Variants in UBASH3B observed in about 807,000 individuals in gnomAD.
UBASH3B encodes the protein ubiquitin-associated and SH3 domain-containing protein B.
A neutral mutation model predicts 83.4 loss-of-function variants in UBASH3B; 37 were observed. That is an observed-to-expected ratio of 0.44 (90% CI 0.34 to 0.58). The LOEUF (loss-of-function observed/expected upper bound fraction) is 0.58, where lower values mean the gene tolerates loss of function less well. UBASH3B is among the 20% of genes least tolerant of loss of function. The pLI, the probability that UBASH3B is intolerant of heterozygous loss-of-function variation, is 0.01. For synonymous variants in UBASH3B, 304 were observed against 318.3 expected (o/e 0.96, Z 0.48); for missense variants, 657 against 827.2 (o/e 0.79, Z 2.52).
intron 1 of UBASH3B, among the ~76,000 whole-genome samples, chr11:122,675,202 T>C (rs915180673): frequency 1.3e-5 from 2 of 152,228 alleles, no homozygotes; most frequent in Admixed American, 1.3e-4. Flanking sequence ...TTTATTTTTG[T>C]TCCTGGATCA....
intron 11 of UBASH3B, 46 bp downstream of exon 11, chr11:122,801,378 T>C: frequency 1.2e-6 from 2 of 1,603,360 alleles, no homozygotes; most frequent in Non-Finnish European, 8.5e-7. Flanking sequence ...GTGGAAGTGC[T>C]TTCTGCACTA....
At position 122,673,105 on chromosome 11, in the gene UBASH3B, CGTGACA is replaced by C. The variant is rs1591762832; in HGVS notation, c.161+16900_161+16905del. ...CCAGCCACTGTCTGGCCTCTGGGCA[CGTGACA>C]GTGAGTTGTGCTCAGCATTTTGGGA... On this transcript the variant is annotated intron_variant, in intron 1 of 13. Transcript: ENST00000284273. Among the ~76,000 whole-genome samples the C allele has an allele frequency of 2.0e-5, 3 of 152,234 alleles. No individual in the cohort carries two copies. The East Asian group carries it at 5.8e-4, about 29-fold the overall frequency.
chr11:122,674,585 G>A (rs1421516610), intron 1 of UBASH3B, among the ~76,000 whole-genome samples: 5 of 152,000 alleles, frequency 3.3e-5, no homozygotes, highest in Non-Finnish European at 7.4e-5. Context: ...GTTTCACCAT[G>A]TTAGCCAGGA....
At chr11:122,667,837 A>G (rs982159484) in intron 1 of UBASH3B, among the ~76,000 whole-genome samples, 2 of 152,154 alleles carry the variant, frequency 1.3e-5, no homozygotes, top group Admixed American at 1.3e-4. Context: ...GTAAAATGAG[A>G]CCAGAAAATG....
chr11:122,772,142 C>T (rs929021959), intron 1 of UBASH3B, among the ~76,000 whole-genome samples: 2 of 152,186 alleles, frequency 1.3e-5, no homozygotes, highest in Admixed American at 6.5e-5. Context: ...TCTGCTGTGG[C>T]GTTCTGACCT....
intron 1 of UBASH3B, among the ~76,000 whole-genome samples, chr11:122,725,936 C>T (rs963284953): frequency 7.2e-5 from 11 of 152,152 alleles, no homozygotes; most frequent in African/African-American, 2.4e-4. Context: ...TCATGATCCA[C>T]CCACCTCAGC....
intron 1 of UBASH3B, among the ~76,000 whole-genome samples, chr11:122,663,129 G>A (rs1320707326): frequency 2.0e-5 from 3 of 151,862 alleles, no homozygotes; most frequent in East Asian, 1.9e-4. Flanking sequence ...GGCACATGCC[G>A]CCATGCCCAG....
At chr11:122,659,498 C>T (rs1467051482) in intron 1 of UBASH3B, among the ~76,000 whole-genome samples, 1 of 152,134 alleles carries the variant, frequency 6.6e-6, no homozygotes, top group Non-Finnish European at 1.5e-5. Context: ...GGTCGGCCTT[C>T]CCCCCAGTAA....
chr11:122,753,498 T>A (rs1418168607), intron 1 of UBASH3B, among the ~76,000 whole-genome samples: 1 of 10,472 alleles, frequency 9.5e-5, no homozygotes, highest in Non-Finnish European at 2.2e-4. Flanking sequence ...TTTTTCTTTC[T>A]TTTTTTTTTT....
intron 1 of UBASH3B, among the ~76,000 whole-genome samples, chr11:122,699,503 T>A (rs989214870): frequency 2.8e-5 from 4 of 141,022 alleles, no homozygotes; most frequent in African/African-American, 1.1e-4. Context: ...TTTTAAATCT[T>A]TCTTTCTTTC....
At chr11:122,778,030 T>A (rs1038488677) in intron 3 of UBASH3B, among the ~76,000 whole-genome samples, 2 of 152,128 alleles carry the variant, frequency 1.3e-5, no homozygotes, top group African/African-American at 4.8e-5. Flanking sequence ...ATGCCTGGCC[T>A]CTACTGACCA....
intron 1 of UBASH3B, among the ~76,000 whole-genome samples, chr11:122,663,802 C>T (rs1863479639): frequency 6.6e-6 from 1 of 152,228 alleles, no homozygotes. Context: ...TGCCTCTTAC[C>T]AGCTGAGGGA....
chr11:122,757,302 G>C (rs1349022635), intron 1 of UBASH3B, among the ~76,000 whole-genome samples: 1 of 152,112 alleles, frequency 6.6e-6, no homozygotes, highest in East Asian at 1.9e-4. Flanking sequence ...ACCCCAGAGA[G>C]CTCTCTCCCC....
intron 9 of UBASH3B, 174 bp downstream of exon 9, chr11:122,797,207 C>T: frequency 2.2e-6 from 2 of 904,730 alleles, no homozygotes; most frequent in Non-Finnish European, 3.2e-6. Flanking sequence ...GTGCTCAGCC[C>T]TGGGTTGGTT....
In UBASH3B at chr11:122,813,688, G is replaced by A. The variant is rs1861490855; in HGVS notation, c.*3802G>A. 6.6e-6 allele frequency: 1 copy of A among 152,182 alleles called. No individual in the cohort carries two copies. The highest frequency in any genetic ancestry group is 1.5e-5 in the Non-Finnish European group (1 of 68,022). 9.4% of individuals were successfully genotyped at this position (152,182 alleles called of 1,614,324 possible). On this transcript the variant is annotated 3_prime_UTR_variant, in exon 14 of 14. Transcript: ENST00000284273. The stretch of plus-strand genomic sequence containing the variant: ...GGCAGAGGAGGGTGGGGTAAAGAGC[G>A]ATTTAACATCTATTTAGGTTAATGT...
intron 1 of UBASH3B, among the ~76,000 whole-genome samples, chr11:122,693,783 G>A (rs1352272920): frequency 6.6e-6 from 1 of 152,210 alleles, no homozygotes; most frequent in Non-Finnish European, 1.5e-5. Flanking sequence ...TGAGGCAAGA[G>A]AATCTTGAAC....
intron 1 of UBASH3B, among the ~76,000 whole-genome samples, chr11:122,774,591 A>G (rs1486920306): frequency 1.3e-5 from 2 of 152,192 alleles, no homozygotes; most frequent in Admixed American, 6.5e-5. Flanking sequence ...ATAGAAGGGT[A>G]GGACAAGGAA....
intron 1 of UBASH3B, among the ~76,000 whole-genome samples, chr11:122,696,214 C>T (rs902436394): frequency 2.0e-5 from 3 of 150,770 alleles, no homozygotes; most frequent in Admixed American, 6.6e-5. Context: ...CCTCCCAAAG[C>T]GCTGGGATTA....
intron 1 of UBASH3B, among the ~76,000 whole-genome samples, chr11:122,755,947 G>T (rs1200702679): frequency 6.6e-6 from 1 of 152,134 alleles, no homozygotes; most frequent in African/African-American, 2.4e-5. Context: ...CCTAAACATT[G>T]CAGTGTTCCT....
Sources: allele counts gnomAD v4.1 joint callset (sites outside exome capture counted in the v4.1 genomes callset), GRCh38; gene constraint gnomAD v4.1.1; transcripts MANE v1.5; gene names NCBI Gene and HGNC (gene_info 2026-07-23, HGNC 2026-07-21).